The following DLGAP2 variants were observed in gnomAD, a reference collection of about 807,000 sequenced individuals.
The protein encoded by DLGAP2 is disks large-associated protein 2.
Under a neutral mutation model 100.3 loss-of-function variants are expected in DLGAP2, and 26 were observed. That is an observed-to-expected ratio of 0.26 (90% CI 0.19 to 0.36). DLGAP2 has a LOEUF of 0.36. Among genes scored for constraint, DLGAP2 ranks in the 10% least tolerant of loss-of-function variants. The pLI is 1.00. For synonymous variants in DLGAP2, 886 were observed against 630.1 expected (o/e 1.41, Z -6.08); for missense variants, 1,858 against 1,453.2 (o/e 1.28, Z -4.53).
chr8:1,411,261 G>A (rs1188987041), intron 3 of DLGAP2, among the ~76,000 whole-genome samples: 75 of 152,194 alleles, frequency 4.9e-4, no homozygotes, highest in Admixed American at 4.9e-3. Flanking sequence ...AATGTGCAAT[G>A]CATAGCTACA....
At chr8:1,143,530 C>T (rs989852907) in intron 2 of DLGAP2, among the ~76,000 whole-genome samples, 3 of 152,146 alleles carry the variant, frequency 2.0e-5, no homozygotes, top group African/African-American at 4.8e-5. Context: ...GGTGGATTTC[C>T]GTGAGGTGCT....
chr8:1,288,767 C>T lies in DLGAP2; in HGVS notation c.106+29884C>T, dbSNP rs1182710467. Among the ~76,000 whole-genome samples, 11 of 131,586 alleles carry T rather than the reference C, an allele frequency of 8.4e-5. No individual in the cohort carries two copies. In the South Asian group the frequency reaches 1.0e-3, roughly 12 times the overall value. 86.3% of individuals were successfully genotyped at this position (131,586 alleles called of 152,430 possible). ...TGGTTGTTAGGAGGGGAACTAGTTT[C>T]GGTTCAGTGTGTGTGTGTGTGGTTG... On this transcript the variant is annotated intron_variant, in intron 3 of 14. Coordinates refer to ENST00000637795, the MANE Select transcript of DLGAP2 (RefSeq NM_001346810.2).
chr8:844,675 C>G (rs1263370364), intron 1 of DLGAP2, among the ~76,000 whole-genome samples: 2 of 152,218 alleles, frequency 1.3e-5, no homozygotes, highest in African/African-American at 2.4e-5. Flanking sequence ...GTATTTCAAC[C>G]TCATATACAT....
intron 2 of DLGAP2, among the ~76,000 whole-genome samples, chr8:986,562 G>C (rs976774621): frequency 6.6e-6 from 1 of 152,058 alleles, no homozygotes; most frequent in Non-Finnish European, 1.5e-5. Flanking sequence ...GAGAGAGAAA[G>C]GGGCTGTGTT....
intron 3 of DLGAP2, among the ~76,000 whole-genome samples, chr8:1,296,460 T>C (rs891265842): frequency 6.6e-6 from 1 of 152,220 alleles, no homozygotes; most frequent in Non-Finnish European, 1.5e-5. Context: ...GGAGATTTCT[T>C]AGCCCTCATA....
At chr8:989,076 G>C (rs75074960) in intron 2 of DLGAP2, among the ~76,000 whole-genome samples, 10,239 of 152,262 alleles carry the variant, frequency 0.067, 492 homozygotes, top group Admixed American at 0.13. Context: ...TTAAAGCACA[G>C]ATCCCGTCTA....
chr8:1,448,768 G>C (rs751894446), intron 3 of DLGAP2, among the ~76,000 whole-genome samples: 2 of 152,022 alleles, frequency 1.3e-5, no homozygotes, highest in Admixed American at 6.6e-5. Context: ...CTGCATTCCC[G>C]TTCCCCTCAC....
At position 766,091 on chromosome 8, in the gene DLGAP2, C is replaced by T. The variant is rs192730400; in HGVS notation, c.18+28266C>T. On this transcript the variant is annotated intron_variant, in intron 1 of 14. Transcript: ENST00000637795. Reference sequence around the variant, plus strand: ...CTGAGGCAGGAGAATTGCTTGAACCCGGGAAGCGGAGGTTGTAGTGAGTCG... The same window carrying T: ...CTGAGGCAGGAGAATTGCTTGAACCTGGGAAGCGGAGGTTGTAGTGAGTCG... Among the ~76,000 whole-genome samples the T allele has an allele frequency of 1.9e-3, 296 of 152,194 alleles. 1 individual carries two copies. The highest frequency in any genetic ancestry group is 6.8e-3 in the African/African-American group (282 of 41,542).
chr8:1,691,636 T>G lies in DLGAP2; in HGVS notation c.2796+10T>G. ...TTGCCAACAGAATATGGTAAGTGAATCCTCAGTGAACCCCTGTTCCCTGTA... is the reference window on the plus strand; with the variant it reads ...TTGCCAACAGAATATGGTAAGTGAAGCCTCAGTGAACCCCTGTTCCCTGTA... On this transcript the variant is annotated intron_variant, in intron 13 of 14. Transcript: ENST00000637795. 6.2e-7 allele frequency: 1 copy of G among 1,609,318 alleles called. No homozygotes were observed. The highest frequency in any genetic ancestry group is 2.2e-5 in the East Asian group (1 of 44,848).
chr8:975,203 C>G (rs1054576758), intron 2 of DLGAP2, among the ~76,000 whole-genome samples: 2 of 152,104 alleles, frequency 1.3e-5, no homozygotes, highest in Non-Finnish European at 2.9e-5. Context: ...AAGGAATAGA[C>G]AATCTGAACA....
chr8:1,558,656 C>T (rs1802054141), intron 5 of DLGAP2, among the ~76,000 whole-genome samples: 2 of 151,550 alleles, frequency 1.3e-5, no homozygotes, highest in South Asian at 2.1e-4. Flanking sequence ...CATAAACACA[C>T]ATATGCACAT....
In DLGAP2 at chr8:1,422,747, G is replaced by A. The variant is rs184249380; in HGVS notation, c.107-78619G>A. 5.8e-3 allele frequency among the ~76,000 whole-genome samples: 884 copies of A among 152,180 alleles called. 13 individuals are homozygous for A. Among genetic ancestry groups the A allele is most frequent in the South Asian group, 0.016 (77 of 4,816 alleles). Reference sequence around the variant, plus strand: ...CAACATGCTGAGACCAGCCAGGATTGGGGGTGGGGGAATGTGTCCTTTCGT... The same window carrying A: ...CAACATGCTGAGACCAGCCAGGATTAGGGGTGGGGGAATGTGTCCTTTCGT... On this transcript the variant is annotated intron_variant, in intron 3 of 14. Coordinates refer to ENST00000637795, the MANE Select transcript of DLGAP2 (RefSeq NM_001346810.2).
chr8:913,758 C>T (rs762250626), intron 2 of DLGAP2, among the ~76,000 whole-genome samples: 17 of 152,216 alleles, frequency 1.1e-4, no homozygotes, highest in South Asian at 6.2e-4. Context: ...TACAGGTTTG[C>T]GCTAAGTCAG....
intron 1 of DLGAP2, among the ~76,000 whole-genome samples, chr8:742,125 A>G (rs760164365): frequency 1.3e-5 from 2 of 152,204 alleles, no homozygotes; most frequent in African/African-American, 2.4e-5. Context: ...CTGACAAGCA[A>G]ATGGGATGTA....
At chr8:1,380,797 C>T (rs1220610571) in intron 3 of DLGAP2, among the ~76,000 whole-genome samples, 2 of 151,846 alleles carry the variant, frequency 1.3e-5, no homozygotes, top group East Asian at 3.9e-4. Flanking sequence ...TGACATTGAA[C>T]TCACAATACC....
intron 2 of DLGAP2, among the ~76,000 whole-genome samples, chr8:911,965 A>G (rs528940400): frequency 1.3e-5 from 2 of 152,322 alleles, no homozygotes; most frequent in East Asian, 1.9e-4. Flanking sequence ...TTGCAATGAC[A>G]TTTGGGAAAA....
chr8:1,600,329 T>G (rs1796586650), intron 6 of DLGAP2, among the ~76,000 whole-genome samples: 1 of 152,210 alleles, frequency 6.6e-6, no homozygotes, highest in Non-Finnish European at 1.5e-5. Context: ...TCAACCTTGG[T>G]GAATCCGACG....
At chr8:859,383 A>C (rs1797346741) in intron 1 of DLGAP2, among the ~76,000 whole-genome samples, 1 of 152,182 alleles carries the variant, frequency 6.6e-6, no homozygotes, top group African/African-American at 2.4e-5. Flanking sequence ...AAGGGCTGGG[A>C]TTACAGGTGT....
chr8:897,644 C>A (rs1439640723), intron 1 of DLGAP2, among the ~76,000 whole-genome samples: 1 of 152,194 alleles, frequency 6.6e-6, no homozygotes, highest in East Asian at 1.9e-4. Context: ...ATCTTCTGTT[C>A]CCTCTGCCGC....
Sources: gnomAD v4.1 joint callset for allele counts (sites outside exome capture counted in the v4.1 genomes callset) on GRCh38, gnomAD v4.1.1 for gene constraint, MANE v1.5 for transcripts, NCBI Gene and HGNC (gene_info 2026-07-23, HGNC 2026-07-21) for gene names.